The following KIF2A variants were observed in gnomAD, a reference collection of about 807,000 sequenced individuals.
KIF2A encodes the protein kinesin family member 2A, also known as kinesin-like protein KIF2A.
Under a neutral mutation model 100.2 loss-of-function variants are expected in KIF2A, and 22 were observed. The ratio of observed to expected loss-of-function variants is 0.22; its 90% CI spans 0.16 to 0.31. KIF2A has a LOEUF of 0.31. Among genes scored for constraint, KIF2A ranks in the 10% least tolerant of loss-of-function variants. The pLI is 1.00. For synonymous variants in KIF2A, 268 were observed against 285.9 expected (o/e 0.94, Z 0.63); for missense variants, 495 against 898.7 (o/e 0.55, Z 5.74).
chr5:62,352,998 G>A, intron 5 of KIF2A: 2 of 410,966 alleles, frequency 4.9e-6, no homozygotes, highest in Non-Finnish European at 4.3e-6. Flanking sequence ...AATGTGTTGG[G>A]CTCCTTGATT....
At chr5:62,339,904 T>C (rs937907949) in intron 1 of KIF2A, among the ~76,000 whole-genome samples, 4 of 151,720 alleles carry the variant, frequency 2.6e-5, no homozygotes, top group African/African-American at 9.7e-5. Flanking sequence ...CAAAATATGA[T>C]TATCTCAAAT....
intron 16 of KIF2A, among the ~76,000 whole-genome samples, chr5:62,370,516 C>G (rs149886746): frequency 0.024 from 3,658 of 152,004 alleles, 197 homozygotes; most frequent in East Asian, 0.19. Context: ...AGGCTGGTCT[C>G]GAACTCCTGA....
At chr5:62,380,957 TG>T (rs1240451056) in intron 19 of KIF2A, among the ~76,000 whole-genome samples, 160 bp from the exon 20 acceptor site, 14 of 152,234 alleles carry the variant, frequency 9.2e-5, no homozygotes, top group Admixed American at 6.5e-5. Context: ...CAGAGTCAAC[TG>T]TATTTCTTAA....
intron 1 of KIF2A, among the ~76,000 whole-genome samples, chr5:62,319,735 T>A (rs535287168): frequency 1.3e-5 from 2 of 152,350 alleles, no homozygotes; most frequent in African/African-American, 2.4e-5. Flanking sequence ...AATTGACTTG[T>A]GTTGTTCATC....
intron 1 of KIF2A, among the ~76,000 whole-genome samples, chr5:62,343,136 T>C (rs1184650096): frequency 6.6e-5 from 10 of 152,208 alleles, no homozygotes; most frequent in African/African-American, 2.4e-4. Context: ...AACTCTCTCA[T>C]CTGCTTCTCA....
At chr5:62,350,656 A>T in intron 4 of KIF2A, among the ~76,000 whole-genome samples, 1 of 152,118 alleles carries the variant, frequency 6.6e-6, no homozygotes, top group Non-Finnish European at 1.5e-5. Context: ...TCAGGCCTGT[A>T]ATCTCCACAC....
At chr5:62,376,063 A>G (rs1741527216) in intron 18 of KIF2A, among the ~76,000 whole-genome samples, 1 of 152,218 alleles carries the variant, frequency 6.6e-6, no homozygotes, top group African/African-American at 2.4e-5. Flanking sequence ...GTTACCTCCC[A>G]AAGATGTGGA....
chr5:62,312,400 G>A (rs575139351), intron 1 of KIF2A, among the ~76,000 whole-genome samples: 3 of 152,290 alleles, frequency 2.0e-5, no homozygotes, highest in South Asian at 2.1e-4. Flanking sequence ...TCTAGACCCC[G>A]TTCTTTCTAG....
chr5:62,360,565 A>C (rs1021036995), intron 9 of KIF2A, among the ~76,000 whole-genome samples: 1 of 151,924 alleles, frequency 6.6e-6, no homozygotes, highest in Non-Finnish European at 1.5e-5. Context: ...GGTGCCTGTA[A>C]TCCCAGCTAC....
At chr5:62,333,868 C>A (rs1393452970) in intron 1 of KIF2A, among the ~76,000 whole-genome samples, 1 of 152,100 alleles carries the variant, frequency 6.6e-6, no homozygotes, top group Admixed American at 6.5e-5. Flanking sequence ...TATTCAGGCC[C>A]CACACCTCCC....
At chr5:62,327,471 A>G (rs1188911704) in intron 1 of KIF2A, among the ~76,000 whole-genome samples, 5 of 152,196 alleles carry the variant, frequency 3.3e-5, no homozygotes, top group African/African-American at 1.2e-4. Context: ...CTGAGAATGC[A>G]TGATTTAAAT....
rs976493128 is a variant in KIF2A, at chr5:62,385,735, A to G, written c.*166A>G. On this transcript the variant is annotated 3_prime_UTR_variant, in exon 21 of 21. Coordinates refer to ENST00000407818, the MANE Select transcript of KIF2A (RefSeq NM_001098511.3). ...TTTGTGAAACACTCTTTTGTCTACA[A>G]AATGCTTCTAGTCCAGGAGGCACAA... 5.1e-6 allele frequency: 3 copies of G among 594,048 alleles called. No homozygotes were observed. The highest frequency in any genetic ancestry group is 6.1e-6 in the Non-Finnish European group (2 of 328,128). The allele number at this position is 594,048 out of a possible 1,614,324, so 36.8% of individuals were successfully genotyped here.
intron 1 of KIF2A, among the ~76,000 whole-genome samples, chr5:62,346,903 T>C (rs1395024898): frequency 6.6e-6 from 1 of 152,198 alleles, no homozygotes; most frequent in Admixed American, 6.5e-5. Flanking sequence ...AAATAAACTT[T>C]AGGTCTTACC....
At chr5:62,319,465 T>G (rs1479778639) in intron 1 of KIF2A, among the ~76,000 whole-genome samples, 1 of 152,224 alleles carries the variant, frequency 6.6e-6, no homozygotes, top group Non-Finnish European at 1.5e-5. Flanking sequence ...AGCTAACTGC[T>G]GTATCTCCTT....
chr5:62,353,200 T>TCACCACAC, intron 5 of KIF2A, 75 bp from the exon 6 acceptor site: 1 of 694,690 alleles, frequency 1.4e-6, no homozygotes, highest in Non-Finnish European at 2.3e-6. Context: ...GTGGTGAAGT[T>TCACCACAC]ATACATAAAA....
intron 1 of KIF2A, among the ~76,000 whole-genome samples, chr5:62,309,843 T>C (rs1347848072): frequency 6.6e-6 from 1 of 152,190 alleles, no homozygotes. Flanking sequence ...TGATGAAAAC[T>C]ATCCTAATGA....
At chr5:62,342,806 GCAGTGGAGCGATCTTGGTT>G (rs1747362328) in intron 1 of KIF2A, among the ~76,000 whole-genome samples, 1 of 150,180 alleles carries the variant, frequency 6.7e-6, no homozygotes, top group African/African-American at 2.5e-5. Context: ...AGGCTGGAGT[GCAGTGGAGCGATCTTGGTT>G]CACTGCAACC....
chr5:62,360,347 CT>C (rs1363613917), intron 9 of KIF2A, among the ~76,000 whole-genome samples: 1 of 151,962 alleles, frequency 6.6e-6, no homozygotes, highest in Non-Finnish European at 1.5e-5. Flanking sequence ...ACCTTCCCAC[CT>C]TTTTATTTTA....
intron 1 of KIF2A, among the ~76,000 whole-genome samples, chr5:62,338,027 G>C (rs1377339047): frequency 1.3e-5 from 2 of 152,124 alleles, no homozygotes; most frequent in Admixed American, 1.3e-4. Context: ...GAAGATCAAA[G>C]AGACTCTTAA....
Sources: gnomAD v4.1 joint callset for allele counts (sites outside exome capture counted in the v4.1 genomes callset) on GRCh38, gnomAD v4.1.1 for gene constraint, MANE v1.5 for transcripts, NCBI Gene and HGNC (gene_info 2026-07-23, HGNC 2026-07-21) for gene names.